The following ELP4 variants were observed in gnomAD, a reference collection of about 807,000 sequenced individuals.
ELP4 encodes elongator complex protein 4.
Under a neutral mutation model 48.9 loss-of-function variants are expected in ELP4, and 51 were observed. The observed-to-expected ratio is 1.04, with a 90% confidence interval of 0.83 to 1.32. The LOEUF (loss-of-function observed/expected upper bound fraction) is 1.32. Ranked by LOEUF, ELP4 falls within the 40% of genes most tolerant of loss-of-function variation. ELP4 has a pLI of 0.00. For missense variants in ELP4, 519 were observed against 514.6 expected, an observed-to-expected ratio of 1.01 and a Z score of -0.08; for synonymous variants, 210 against 189.2, an observed-to-expected ratio of 1.11 and a Z score of -0.90.
chr11:31,693,294 G>A (rs1321235052), intron 9 of ELP4, among the ~76,000 whole-genome samples: 1 of 151,996 alleles, frequency 6.6e-6, no homozygotes, highest in East Asian at 1.9e-4. Flanking sequence ...ATCTCCTAAT[G>A]CTAACCCTCC....
chr11:31,692,768 T>A (rs1024941432), intron 9 of ELP4, among the ~76,000 whole-genome samples: 12 of 152,084 alleles, frequency 7.9e-5, no homozygotes, highest in Admixed American at 7.9e-4. Context: ...CCTCTCCACC[T>A]CCTACCACTG....
intron 9 of ELP4, among the ~76,000 whole-genome samples, chr11:31,753,126 A>G (rs1417983887): frequency 3.9e-5 from 6 of 152,232 alleles, no homozygotes; most frequent in East Asian, 3.8e-4. Context: ...CAGTCTTACT[A>G]TACCTAACTA....
At chr11:31,566,074 A>C (rs1957106239) in intron 3 of ELP4, among the ~76,000 whole-genome samples, 1 of 151,936 alleles carries the variant, frequency 6.6e-6, no homozygotes, top group Non-Finnish European at 1.5e-5. Context: ...GCTCATGCTT[A>C]CAACTTGCTT....
chr11:31,653,016 C>A (rs1336199408), intron 9 of ELP4: 2 of 151,634 alleles, frequency 1.3e-5, no homozygotes, highest in Non-Finnish European at 3.0e-5. Flanking sequence ...GGTAGAGCAA[C>A]TTTAACTCAT....
intron 9 of ELP4, among the ~76,000 whole-genome samples, chr11:31,727,264 T>G (rs12295846): frequency 0.065 from 9,920 of 152,070 alleles, 847 homozygotes; most frequent in African/African-American, 0.19. Flanking sequence ...AACTGCTAAC[T>G]AAAAATGTGT....
chr11:31,686,598 G>A (rs918671851), intron 9 of ELP4, among the ~76,000 whole-genome samples: 5 of 152,080 alleles, frequency 3.3e-5, no homozygotes, highest in African/African-American at 1.2e-4. Flanking sequence ...GTATCACTCT[G>A]GGCCTGGTGC....
At chr11:31,524,943 A>C (rs1465505389) in intron 2 of ELP4, among the ~76,000 whole-genome samples, 1 of 152,110 alleles carries the variant, frequency 6.6e-6, no homozygotes, top group African/African-American at 2.4e-5. Context: ...ATGCCACTGG[A>C]CTCCAGCCTG....
At position 31,647,754 on chromosome 11, in the gene ELP4, T is replaced by A. The variant is rs773010532; in HGVS notation, c.941T>A (p.Ile314Asn). Reference sequence around the variant, plus strand: ...CATGTTTTGCAGAATAAAGCCATTATTGCCCGTGTCACAACCTTGTCAGAT... The same window carrying A: ...CATGTTTTGCAGAATAAAGCCATTAATGCCCGTGTCACAACCTTGTCAGAT... ...PTHLIQNKAI[I>N]ARVTTLSDVV... is the part of the protein sequence containing the mutation. Residue 314 changes from isoleucine to asparagine, a missense_variant, in exon 8 of 10, where the codon ATT (isoleucine) becomes AAT (asparagine). Coordinates refer to ENST00000640961, the MANE Select transcript of ELP4 (RefSeq NM_019040.5). 1.9e-6 allele frequency: 3 copies of A among 1,607,298 alleles called. No individual in the cohort carries two copies. Among genetic ancestry groups the A allele is most frequent in the Non-Finnish European group, 2.6e-6 (3 of 1,174,750 alleles).
At chr11:31,766,253 C>T (rs1484743524) in intron 9 of ELP4, among the ~76,000 whole-genome samples, 3 of 151,996 alleles carry the variant, frequency 2.0e-5, no homozygotes, top group Non-Finnish European at 4.4e-5. Context: ...ACAATAACCA[C>T]GGAAATATAA....
intron 9 of ELP4, chr11:31,682,078 AAGT>A: frequency 7.8e-7 from 1 of 1,282,656 alleles, no homozygotes; most frequent in Non-Finnish European, 1.0e-6. Context: ...GTCTAAAGGT[AAGT>A]AGATACTGAT....
intron 9 of ELP4, among the ~76,000 whole-genome samples, chr11:31,772,788 G>A (rs949250711): frequency 6.6e-6 from 1 of 152,138 alleles, no homozygotes; most frequent in Non-Finnish European, 1.5e-5. Flanking sequence ...AAGTAAAATG[G>A]GAGAGTAGAT....
Position 31,650,194 on chromosome 11 carries a change from A to G in ELP4, c.1116A>G (p.Lys372=). ...DESDVKDLAF[K]LKRKLFTIER... is the part of the protein sequence containing the mutation. The stretch of plus-strand genomic sequence containing the variant: ...CAGATGTCAAAGACTTAGCTTTTAA[A>G]TTAAAAAGGAAGCTATTCACCATTG... The change falls in exon 9 of 10, where the codon AAA becomes AAG. Residue 372 remains lysine, a synonymous_variant. Transcript: ENST00000640961. The G allele has an allele frequency of 6.9e-7, 1 of 1,453,248 alleles. No homozygotes were observed. The highest frequency in any genetic ancestry group is 1.4e-5 in the African/African-American group (1 of 71,494). The allele number at this position is 1,453,248 out of a possible 1,614,324, so 90.0% of individuals were successfully genotyped here.
At chr11:31,649,285 A>G (rs1945272053) in intron 8 of ELP4, 1 of 151,562 alleles carries the variant, frequency 6.6e-6, no homozygotes, top group Non-Finnish European at 1.5e-5. Flanking sequence ...TTTCCTCCCC[A>G]TGTTTTGGAT....
rs568433172 is a variant in ELP4, at chr11:31,605,818, A to G, written c.653+1911A>G. Among the ~76,000 whole-genome samples the G allele has an allele frequency of 8.5e-5, 13 of 152,220 alleles. No individual in the cohort carries two copies. In the East Asian group the frequency reaches 2.3e-3, roughly 27 times the overall value. On this transcript the variant is annotated intron_variant, in intron 5 of 9. Coordinates refer to ENST00000640961, the MANE Select transcript of ELP4 (RefSeq NM_019040.5). ...AATTTTGCCAACAACCCTCCAAGAG[A>G]ATGTTAACCCCATTTTGTAAGCAAT...
At chr11:31,518,257 C>T (rs915830449) in intron 1 of ELP4, among the ~76,000 whole-genome samples, 2 of 151,828 alleles carry the variant, frequency 1.3e-5, no homozygotes, top group Non-Finnish European at 2.9e-5. Flanking sequence ...CAGGCATGGG[C>T]CACCACGCCC....
chr11:31,749,390 C>A (rs1044771232), intron 9 of ELP4, among the ~76,000 whole-genome samples: 1 of 152,120 alleles, frequency 6.6e-6, no homozygotes, highest in Non-Finnish European at 1.5e-5. Context: ...ATAGAGAGTA[C>A]GGAAAAACTG....
intron 2 of ELP4, among the ~76,000 whole-genome samples, chr11:31,523,529 T>G (rs1364694273): frequency 1.3e-5 from 2 of 152,160 alleles, no homozygotes; most frequent in East Asian, 3.8e-4. Context: ...CAGTAGCAAT[T>G]TAACTATGGA....
chr11:31,556,396 A>C (rs1268286919), intron 3 of ELP4, among the ~76,000 whole-genome samples: 1 of 151,934 alleles, frequency 6.6e-6, no homozygotes, highest in Non-Finnish European at 1.5e-5. Context: ...AGTAAAAATT[A>C]CATTTTTCTG....
At chr11:31,746,522 A>G (rs1171326305) in intron 9 of ELP4, among the ~76,000 whole-genome samples, 1 of 152,268 alleles carries the variant, frequency 6.6e-6, no homozygotes, top group Non-Finnish European at 1.5e-5. Context: ...GATGAAGAAA[A>G]TGTGGCACAT....
Sources: allele counts gnomAD v4.1 joint callset (sites outside exome capture counted in the v4.1 genomes callset), GRCh38; gene constraint gnomAD v4.1.1; transcripts MANE v1.5; gene names NCBI Gene and HGNC (gene_info 2026-07-23, HGNC 2026-07-21).